Variants in SLC35D4 observed in about 807,000 individuals in gnomAD.
SLC35D4 encodes UDP-N-acetylglucosamine transporter SLC35D4.
the SLC35D4 span, among the ~76,000 whole-genome samples, chr18:23,250,573 G>T: frequency 1.3e-5 from 2 of 152,198 alleles, no homozygotes; most frequent in African/African-American, 4.8e-5. Flanking sequence ...AAATAAACCT[G>T]TCTTGGAGGG....
chr18:23,380,778 C>CTG, the SLC35D4 span, among the ~76,000 whole-genome samples: 1,797 of 150,460 alleles, frequency 0.012, 34 homozygotes, highest in African/African-American at 0.04. Context: ...TACAGTCAAA[C>CTG]TGTGTGTGTG....
At chr18:23,390,610 A>G in the SLC35D4 span, among the ~76,000 whole-genome samples, 3 of 152,108 alleles carry the variant, frequency 2.0e-5, no homozygotes, top group African/African-American at 7.2e-5. Context: ...CTAGAGTGGA[A>G]TTTTGAAGGC....
At chr18:23,402,452 A>T in the SLC35D4 span, among the ~76,000 whole-genome samples, 9 of 152,230 alleles carry the variant, frequency 5.9e-5, no homozygotes, top group Non-Finnish European at 1.2e-4. Flanking sequence ...CCACAAAATC[A>T]GCAAATTAAT....
chr18:23,323,388 C>G, the SLC35D4 span, among the ~76,000 whole-genome samples: 2 of 152,128 alleles, frequency 1.3e-5, no homozygotes, highest in Non-Finnish European at 2.9e-5. Flanking sequence ...ATGTGGTTGC[C>G]CATTAGGTAA....
chr18:23,300,057 C>T, the SLC35D4 span, among the ~76,000 whole-genome samples: 1 of 152,114 alleles, frequency 6.6e-6, no homozygotes, highest in Non-Finnish European at 1.5e-5. Context: ...CCCAAGTTCC[C>T]AACGACCCTA....
chr18:23,316,849 A>G, the SLC35D4 span, among the ~76,000 whole-genome samples: 2 of 152,166 alleles, frequency 1.3e-5, no homozygotes, highest in African/African-American at 2.4e-5. Flanking sequence ...TGAGGGCATA[A>G]AATGTCCCAG....
At chr18:23,271,583 G>GT in the SLC35D4 span, among the ~76,000 whole-genome samples, 77 of 152,096 alleles carry the variant, frequency 5.1e-4, no homozygotes, top group Non-Finnish European at 8.8e-4. Context: ...AGACAGGCCT[G>GT]TTGGTGTTCA....
the SLC35D4 span, among the ~76,000 whole-genome samples, chr18:23,281,205 G>A: frequency 2.0e-5 from 3 of 152,126 alleles, no homozygotes; most frequent in African/African-American, 2.4e-5. Context: ...TAGTGATAAC[G>A]GTTGCAGAAT....
At chr18:23,424,744 C>T in the SLC35D4 span, among the ~76,000 whole-genome samples, 1 of 152,160 alleles carries the variant, frequency 6.6e-6, no homozygotes, top group Non-Finnish European at 1.5e-5. Context: ...CAGTGGCTCA[C>T]ACCTGTAATC....
the SLC35D4 span, among the ~76,000 whole-genome samples, chr18:23,403,658 A>G: frequency 3.9e-5 from 6 of 152,346 alleles, no homozygotes; most frequent in South Asian, 2.1e-4. Flanking sequence ...GGGGTGGTGC[A>G]TTAAGACAGG....
the SLC35D4 span, among the ~76,000 whole-genome samples, chr18:23,238,708 C>CT: frequency 6.6e-6 from 1 of 152,194 alleles, no homozygotes; most frequent in Admixed American, 6.5e-5. Flanking sequence ...TTAAAATTCA[C>CT]TTTATTTATT....
chr18:23,246,595 G>T, the SLC35D4 span, among the ~76,000 whole-genome samples: 8 of 151,924 alleles, frequency 5.3e-5, no homozygotes, highest in Non-Finnish European at 8.8e-5. Flanking sequence ...GTTTCACCGT[G>T]TTAGCCAGGA....
the SLC35D4 span, among the ~76,000 whole-genome samples, chr18:23,419,378 C>G: frequency 6.6e-6 from 1 of 151,892 alleles, no homozygotes; most frequent in African/African-American, 2.4e-5. Flanking sequence ...CTGCAACCTC[C>G]GCCTCCTGGG....
chr18:23,333,705 G>C, the SLC35D4 span, among the ~76,000 whole-genome samples: 1 of 152,186 alleles, frequency 6.6e-6, no homozygotes, highest in Non-Finnish European at 1.5e-5. Flanking sequence ...CTCCCTTTCA[G>C]GGCAGAAGGC....
At chr18:23,370,813 A>C in the SLC35D4 span, among the ~76,000 whole-genome samples, 1 of 152,226 alleles carries the variant, frequency 6.6e-6, no homozygotes, top group African/African-American at 2.4e-5. Context: ...ACCAATCAGC[A>C]TTCCAAAAGT....
chr18:23,430,651 G>A, the SLC35D4 span: 1 of 1,612,682 alleles, frequency 6.2e-7, no homozygotes, highest in Non-Finnish European at 8.5e-7. Flanking sequence ...ATGTAGGGTA[G>A]GTAAATTTCA....
At chr18:23,249,038 G>T in the SLC35D4 span, among the ~76,000 whole-genome samples, 1 of 152,134 alleles carries the variant, frequency 6.6e-6, no homozygotes, top group African/African-American at 2.4e-5. Context: ...CTCCAGATCC[G>T]TGCTGCTCTG....
chr18:23,274,881 T>C, the SLC35D4 span, among the ~76,000 whole-genome samples: 2 of 152,070 alleles, frequency 1.3e-5, no homozygotes, highest in African/African-American at 4.8e-5. Context: ...GAAACACAAG[T>C]CCCTGCGGCA....
the SLC35D4 span, among the ~76,000 whole-genome samples, chr18:23,278,212 C>G: frequency 6.6e-6 from 1 of 152,212 alleles, no homozygotes; most frequent in South Asian, 2.1e-4. Flanking sequence ...CTCCCGCAAC[C>G]TGACTTATCT....
Sources: allele counts gnomAD v4.1 joint callset (sites outside exome capture counted in the v4.1 genomes callset), GRCh38; gene constraint gnomAD v4.1.1; transcripts MANE v1.5; gene names NCBI Gene and HGNC (gene_info 2026-07-23, HGNC 2026-07-21).